Variants in GP9 observed in about 807,000 individuals in gnomAD.
GP9 encodes glycoprotein IX platelet, also known as platelet glycoprotein IX.
For missense variants in GP9, 228 were observed against 241.8 expected (o/e 0.94, Z 0.38); for synonymous variants, 116 against 116.7 (o/e 0.99, Z 0.04).
chr3:129,057,875 T>A (rs1559982953), upstream of GP9, among the ~76,000 whole-genome samples: 1 of 148,048 alleles, frequency 6.8e-6, no homozygotes, highest in Non-Finnish European at 1.5e-5. Context: ...CTCTTGTTGC[T>A]CAGCCTGGAG....
chr3:129,062,000 G>A lies in GP9; in HGVS notation c.261G>A (p.Trp87Ter). 6.2e-7 allele frequency: 1 copy of A among 1,613,770 alleles called. No individual in the cohort carries two copies. The highest frequency in any genetic ancestry group is 1.1e-5 in the South Asian group (1 of 91,084). Reference sequence around the variant, plus strand: ...CCCTCGATGTGACGCAGAACCCCTGGCACTGTGACTGCAGCCTCACCTATC... The same window carrying A: ...CCCTCGATGTGACGCAGAACCCCTGACACTGTGACTGCAGCCTCACCTATC... Reference protein sequence around the residue: ...LQTLDVTQNPWHCDCSLTYLR... With the variant: ...LQTLDVTQNP The change falls in exon 3 of 3, where the codon TGG becomes TGA. Residue 87 changes from tryptophan to a stop codon, truncating the protein, a stop_gained. Transcript: ENST00000307395. LOFTEE classifies it low-confidence loss of function (END_TRUNC).
chr3:129,061,464 T>G, intron 1 of GP9, 30 bp from the exon 2 acceptor site: 1 of 564,240 alleles, frequency 1.8e-6, no homozygotes, highest in South Asian at 2.0e-5. Flanking sequence ...TCCCTTCCCC[T>G]TCCCAAAAAC....
In GP9 at chr3:129,062,117, G is replaced by C. The variant is rs747209258; in HGVS notation, c.378G>C (p.Arg126=). 1.9e-6 allele frequency: 3 copies of C among 1,596,146 alleles called. No individual in the cohort carries two copies. The highest frequency in any genetic ancestry group is 2.3e-5 in the East Asian group (1 of 44,030). ...TCGCTGCCCATGGCCCGCTGGGCCG[G>C]CTGACAGGCTACCAGCTGGGCAGCT... ...PSLAAHGPLG[R]LTGYQLGSCG... The change falls in exon 3 of 3, where the codon CGG becomes CGC. Residue 126 remains arginine (R), a synonymous_variant. Transcript: ENST00000307395.
At chr3:129,061,465 T>A in intron 1 of GP9, 29 bp from the exon 2 acceptor site, 1 of 562,336 alleles carries the variant, frequency 1.8e-6, no homozygotes, top group Non-Finnish European at 3.2e-6. Context: ...CCCTTCCCCT[T>A]CCCAAAAACA....
At chr3:129,057,157 C>T (rs1247851342), upstream of GP9, among the ~76,000 whole-genome samples, 1 of 152,120 alleles carries the variant, frequency 6.6e-6, no homozygotes, top group Non-Finnish European at 1.5e-5. Context: ...GAGTCTCTGC[C>T]CTCTTGAGTT....
At position 129,062,043 on chromosome 3, in the gene GP9, GACCGCACGC is replaced by G. The variant is rs1946583384; in HGVS notation, c.305_313del (p.Asp102_Pro105delinsAla). The G allele has an allele frequency of 6.2e-6, 10 of 1,613,232 alleles. No homozygotes were observed. Among genetic ancestry groups the G allele is most frequent in the Non-Finnish European group, 7.6e-6 (9 of 1,179,800 alleles). On this transcript the variant is annotated inframe_deletion, in exon 3 of 3. Coordinates refer to ENST00000307395, the MANE Select transcript of GP9 (RefSeq NM_000174.5). Reference sequence around the variant, plus strand: ...CACCTATCTGCGCCTCTGGCTGGAGGACCGCACGCCCGAGGCCCTGCTGCAGGTCCGCTG... The same window carrying G: ...CACCTATCTGCGCCTCTGGCTGGAGGCCGAGGCCCTGCTGCAGGTCCGCTG...
In GP9 at chr3:129,062,311, C is replaced by T. The variant is rs774275281; in HGVS notation, c.*38C>T. 1,711 of 1,447,672 alleles carry T rather than the reference C, an allele frequency of 1.2e-3. 1 individual carries two copies. The highest frequency in any genetic ancestry group is 1.4e-3 in the Non-Finnish European group (1,541 of 1,062,810). 89.7% of individuals were successfully genotyped at this position (1,447,672 alleles called of 1,614,324 possible). ...GAACCCCTGGCTCCAGGCCAGGGGG[C>T]CAGTCCCTGAGGCAGGTCCCCAGAC... is the stretch of plus-strand genomic sequence containing the variant. On this transcript the variant is annotated 3_prime_UTR_variant, in exon 3 of 3. Coordinates refer to ENST00000307395, the MANE Select transcript of GP9 (RefSeq NM_000174.5).
In GP9 at chr3:129,061,809, T is replaced by C. The variant is rs28933378; in HGVS notation, c.70T>C (p.Cys24Arg). ...GGCCACCAAGGACTGCCCCAGCCCA[T>C]GTACCTGCCGCGCCCTGGAAACCAT... ...AEATKDCPSP[C>R]TCRALETMGL... Residue 24 changes from cysteine to arginine, a missense_variant, in exon 3 of 3, where the codon TGT becomes CGT. Transcript: ENST00000307395. 4.1e-5 allele frequency: 66 copies of C among 1,612,852 alleles called. 2 individuals carry two copies. The South Asian group carries it at 6.6e-4, about 16-fold the overall frequency.
At chr3:129,056,062 T>C (rs536897080), upstream of GP9, among the ~76,000 whole-genome samples, 12 of 152,312 alleles carry the variant, frequency 7.9e-5, no homozygotes, top group Admixed American at 7.8e-4. Context: ...TCTCACTCTT[T>C]CCTCACAGCA....
chr3:129,061,686 T>C, intron 2 of GP9, 42 bp from the exon 3 acceptor site: 1 of 1,491,466 alleles, frequency 6.7e-7, no homozygotes, highest in South Asian at 1.2e-5. Context: ...TGAGGATCGG[T>C]CCAGGCTGCC....
upstream of GP9, among the ~76,000 whole-genome samples, chr3:129,057,896 C>T (rs145051929): frequency 8.1e-4 from 119 of 147,574 alleles, no homozygotes; most frequent in African/African-American, 2.6e-3. Flanking sequence ...TGCAATGGCG[C>T]GATCTCAGCT....
chr3:129,061,940 C>A lies in GP9; in HGVS notation c.201C>A (p.Pro67=). Residue 67 remains proline, a synonymous_variant, in exon 3 of 3, where the codon CCC becomes CCA. Transcript: ENST00000307395. ...LLANNSLQSV[P]PGAFDHLPQL... is the part of the protein sequence containing the mutation. ...CCAACAACAGCCTTCAGTCCGTGCC[C>A]CCGGGAGCCTTTGACCACCTGCCCC... 6.2e-7 allele frequency: 1 copy of A among 1,613,912 alleles called. No homozygotes were observed. The highest frequency in any genetic ancestry group is 1.1e-5 in the South Asian group (1 of 91,088).
At chr3:129,056,118 A>C (rs997306888), upstream of GP9, among the ~76,000 whole-genome samples, 13 of 152,204 alleles carry the variant, frequency 8.5e-5, no homozygotes, top group African/African-American at 3.1e-4. Flanking sequence ...GCAGATGAGG[A>C]AACTGAGGCA....
At chr3:129,060,640 G>A (rs1043184309), upstream of GP9, 4 of 152,436 alleles carry the variant, frequency 2.6e-5, no homozygotes, top group Non-Finnish European at 5.9e-5. Context: ...TTGAGATGTG[G>A]TTCTGTGCCC....
At chr3:129,059,755 C>T (rs750502958), upstream of GP9, among the ~76,000 whole-genome samples, 5 of 152,144 alleles carry the variant, frequency 3.3e-5, no homozygotes, top group Non-Finnish European at 5.9e-5. Context: ...AAGGACTCAC[C>T]CTGCTTGGCC....
At position 129,061,799 on chromosome 3, in the gene GP9, C is replaced by A; in HGVS notation, c.60C>A (p.Cys20Ter). 1.9e-6 allele frequency: 3 copies of A among 1,612,926 alleles called. No individual in the cohort carries two copies. Among genetic ancestry groups the A allele is most frequent in the Non-Finnish European group, 2.5e-6 (3 of 1,179,564 alleles). The change falls in exon 3 of 3, where the codon TGC (cysteine) becomes TGA (stop). Residue 20 changes from cysteine to a stop codon, truncating the protein, a stop_gained. Coordinates refer to ENST00000307395, the MANE Select transcript of GP9 (RefSeq NM_000174.5). LOFTEE classifies it low-confidence loss of function (END_TRUNC). The part of the protein sequence containing the change: ...LWATAEATKD[C>*]PSPCTCRALE... ...CCACAGCAGAGGCCACCAAGGACTG[C>A]CCCAGCCCATGTACCTGCCGCGCCC...
upstream of GP9, among the ~76,000 whole-genome samples, chr3:129,057,320 G>GCCTCATCAT (rs1946530145): frequency 6.6e-6 from 1 of 152,214 alleles, no homozygotes; most frequent in Non-Finnish European, 1.5e-5. Flanking sequence ...TTTGAGGAGG[G>GCCTCATCAT]GTCATCTGAA....
At position 129,061,501 on chromosome 3, in the gene GP9, C is replaced by T. The variant is rs998663342; in HGVS notation, c.-131C>T. On this transcript the variant is annotated 5_prime_UTR_variant, in exon 2 of 3. Transcript: ENST00000307395. Reference sequence around the variant, plus strand: ...AACTTACCCAATCCACAGCCGCCCTCACCGCCCGGCCTTCTACGGTGTCCA... The same window carrying T: ...AACTTACCCAATCCACAGCCGCCCTTACCGCCCGGCCTTCTACGGTGTCCA... 1.2e-5 allele frequency: 7 copies of T among 599,122 alleles called. No individual in the cohort carries two copies. The highest frequency in any genetic ancestry group is 1.9e-5 in the African/African-American group (1 of 53,876). The allele number at this position is 599,122 out of a possible 1,614,324, so 37.1% of individuals were successfully genotyped here. A position where few individuals can be genotyped will look rare whatever the true frequency, so the allele number is the denominator to read the frequency against.
In GP9 at chr3:129,062,382, C is replaced by A; in HGVS notation, c.*109C>A. The A allele has an allele frequency of 2.7e-6, 2 of 744,450 alleles. No homozygotes were observed. Among genetic ancestry groups the A allele is most frequent in the Non-Finnish European group, 4.4e-6 (2 of 456,978 alleles). 46.1% of individuals were successfully genotyped at this position (744,450 alleles called of 1,614,324 possible). On this transcript the variant is annotated 3_prime_UTR_variant, in exon 3 of 3. Transcript: ENST00000307395. ...CAAACCACCAGAAGCCCAGAATAAA[C>A]TGGCAGCTCAGCTGTTTTATATAAG... is the stretch of plus-strand genomic sequence containing the variant.
Sources: gnomAD v4.1 joint callset for allele counts (sites outside exome capture counted in the v4.1 genomes callset) on GRCh38, gnomAD v4.1.1 for gene constraint, MANE v1.5 for transcripts, NCBI Gene and HGNC (gene_info 2026-07-23, HGNC 2026-07-21) for gene names.